Variants in ADRA1A observed in about 807,000 individuals in gnomAD.
ADRA1A encodes the protein alpha-1A adrenergic receptor.
ADRA1A carries 31 observed loss-of-function variants against 29.6 expected under a neutral mutation model. The ratio of observed to expected loss-of-function variants is 1.05; its 90% CI spans 0.79 to 1.41. The LOEUF (loss-of-function observed/expected upper bound fraction) is 1.41, where lower values mean the gene tolerates loss of function less well. Among genes scored for constraint, ADRA1A ranks in the 40% most tolerant of loss-of-function variants. The pLI, the probability that ADRA1A is intolerant of heterozygous loss-of-function variation, is 0.00. For synonymous variants in ADRA1A, 311 were observed against 254.3 expected (o/e 1.22, Z -2.12); for missense variants, 619 against 601.1 (o/e 1.03, Z -0.31).
At chr8:26,804,731 C>T (rs538678865) in intron 2 of ADRA1A, among the ~76,000 whole-genome samples, 1 of 152,222 alleles carries the variant, frequency 6.6e-6, no homozygotes, top group Non-Finnish European at 1.5e-5. Flanking sequence ...CAGAATAACA[C>T]CAGTAACCTC....
intron 2 of ADRA1A, among the ~76,000 whole-genome samples, chr8:26,858,715 GTC>G (rs1813218040): frequency 6.6e-6 from 1 of 152,208 alleles, no homozygotes; most frequent in Admixed American, 6.5e-5. Flanking sequence ...CACCGTCATA[GTC>G]TCTCTACTCA....
chr8:26,785,467 C>T (rs1382206476), intron 2 of ADRA1A, among the ~76,000 whole-genome samples: 2 of 152,150 alleles, frequency 1.3e-5, no homozygotes, highest in African/African-American at 4.8e-5. Flanking sequence ...GGTTACACAG[C>T]CAGTGAGCAA....
At chr8:26,808,070 C>T (rs7816340) in intron 2 of ADRA1A, among the ~76,000 whole-genome samples, 141,040 of 152,308 alleles carry the variant, frequency 0.93, 65,400 homozygotes, top group East Asian at 1. Flanking sequence ...CAAATTATAC[C>T]CTAAGGTGTT....
chr8:26,842,866 T>TAC (rs57750998), intron 2 of ADRA1A, among the ~76,000 whole-genome samples: 17,522 of 142,432 alleles, frequency 0.12, 1,045 homozygotes, highest in Admixed American at 0.14. Context: ...TCTCTCTTTC[T>TAC]ACACACACAC....
rs1810970994 is a variant in ADRA1A, at chr8:26,831,484, C to A, written c.883+32603G>T. ...GGATTGCCCAGTACCAACCCCCTGC[C>A]CACACCCCACCACTGATCATGGCCA... is the stretch of plus-strand genomic sequence containing the variant. On this transcript the variant is annotated intron_variant, in intron 2 of 2. Coordinates refer to ENST00000380573, the MANE Select transcript of ADRA1A (RefSeq NM_000680.4). The surrounding 1 kb of genome is among the most constrained non-coding windows in gnomAD (Gnocchi z 5.2). 6.6e-6 allele frequency among the ~76,000 whole-genome samples: 1 copy of A among 152,108 alleles called. No homozygotes were observed. Among genetic ancestry groups the A allele is most frequent in the South Asian group, 2.1e-4 (1 of 4,820 alleles).
In ADRA1A at chr8:26,775,304, C is replaced by T. The variant is rs1806466352; in HGVS notation, c.884-4638G>A. On this transcript the variant is annotated intron_variant, in intron 2 of 2. Transcript: ENST00000380573. The surrounding 1 kb of genome is among the most constrained non-coding windows in gnomAD (Gnocchi z 4.1). ...CTTTTCTGCGTGATGGCTGTAGCCTCATATTATCTCCCAACCCTGACTTCT... is the reference window on the plus strand; with the variant it reads ...CTTTTCTGCGTGATGGCTGTAGCCTTATATTATCTCCCAACCCTGACTTCT... Among the ~76,000 whole-genome samples, 1 of 152,188 alleles carries T rather than the reference C, an allele frequency of 6.6e-6. No individual in the cohort carries two copies.
chr8:26,789,938 A>G (rs563657977), intron 2 of ADRA1A, among the ~76,000 whole-genome samples: 22 of 152,326 alleles, frequency 1.4e-4, no homozygotes, highest in African/African-American at 5.1e-4. Flanking sequence ...GTCTTCATCA[A>G]AAAGAAAAAA....
At chr8:26,782,220 C>T (rs987174332) in intron 2 of ADRA1A, among the ~76,000 whole-genome samples, 1 of 152,224 alleles carries the variant, frequency 6.6e-6, no homozygotes, top group Non-Finnish European at 1.5e-5. Context: ...TCCCCAGCCA[C>T]TTGGGTAAAC....
At chr8:26,749,532 T>C (rs1251508923) in intron 2 of ADRA1A, among the ~76,000 whole-genome samples, 1 of 152,208 alleles carries the variant, frequency 6.6e-6, no homozygotes, top group East Asian at 1.9e-4. Context: ...ATTGAATGAG[T>C]AAACTCACAA....
chr8:26,860,407 C>T lies in ADRA1A; in HGVS notation c.883+3680G>A. ...CACTCTCTGGGACTCACAGTAGGTCCTCAGCATTGCCTCCTGTATCCCTCA... is the reference window on the plus strand; with the variant it reads ...CACTCTCTGGGACTCACAGTAGGTCTTCAGCATTGCCTCCTGTATCCCTCA... On this transcript the variant is annotated intron_variant, in intron 2 of 2. Transcript: ENST00000380573. This position sits in a 1 kb window ranked among gnomAD's most constrained non-coding sequence, Gnocchi z 4.7. Among the ~76,000 whole-genome samples, 1 of 152,166 alleles carries T rather than the reference C, an allele frequency of 6.6e-6. No individual in the cohort carries two copies. Among genetic ancestry groups the T allele is most frequent in the East Asian group, 1.9e-4 (1 of 5,188 alleles).
chr8:26,849,888 C>T (rs1812485071), intron 2 of ADRA1A, among the ~76,000 whole-genome samples: 1 of 151,494 alleles, frequency 6.6e-6, no homozygotes, highest in Admixed American at 6.6e-5. Flanking sequence ...AGTGTGCCCA[C>T]CATATGGAGT....
rs72609960 is a variant in ADRA1A at position 26,805,824 on chromosome 8, T to C, written c.884-35158A>G. 0.026 allele frequency among the ~76,000 whole-genome samples: 3,939 copies of C among 152,040 alleles called. 77 individuals are homozygous for C. The highest frequency in any genetic ancestry group is 0.062 in the Middle Eastern group (18 of 292). Reference sequence around the variant, plus strand: ...TGAACACATTTATTTTTAACCATTTTCCCCCCCACATAGATTTGGCATTAT... The same window carrying C: ...TGAACACATTTATTTTTAACCATTTCCCCCCCCACATAGATTTGGCATTAT... On this transcript the variant is annotated intron_variant, in intron 2 of 2. Coordinates refer to ENST00000380573, the MANE Select transcript of ADRA1A (RefSeq NM_000680.4). The surrounding 1 kb of genome is among the most constrained non-coding windows in gnomAD (Gnocchi z 4.8).
chr8:26,764,585 G>C (rs1194496500), downstream of ADRA1A, among the ~76,000 whole-genome samples: 1 of 152,214 alleles, frequency 6.6e-6, no homozygotes, highest in Non-Finnish European at 1.5e-5. Flanking sequence ...TCGGAGGCTG[G>C]ATTTGGGGAT....
chr8:26,748,463 G>A (rs1042999893), exon 3 of ADRA1A: 8 of 187,982 alleles, frequency 4.3e-5, no homozygotes, highest in African/African-American at 1.2e-4. Context: ...TAGTTGGGCC[G>A]GGCACGGTGG....
At chr8:26,786,551 C>T (rs1006336912) in intron 2 of ADRA1A, among the ~76,000 whole-genome samples, 2 of 152,010 alleles carry the variant, frequency 1.3e-5, no homozygotes, top group Non-Finnish European at 2.9e-5. Context: ...GATTACACAA[C>T]CTGATCTCTT....
intron 2 of ADRA1A, among the ~76,000 whole-genome samples, chr8:26,816,528 G>GGTGTGTGTGTGT (rs1357840136): frequency 8.3e-6 from 1 of 120,602 alleles, no homozygotes; most frequent in African/African-American, 3.1e-5. Context: ...AGGTGCTCAT[G>GGTGTGTGTGTGT]GTGTATGTGT....
chr8:26,822,866 A>T (rs1810275651), intron 2 of ADRA1A, among the ~76,000 whole-genome samples: 1 of 152,172 alleles, frequency 6.6e-6, no homozygotes, highest in South Asian at 2.1e-4. Context: ...AGAAGCAAGA[A>T]AGTGGTGGGA....
intron 2 of ADRA1A, among the ~76,000 whole-genome samples, chr8:26,857,698 C>G (rs1281972950): frequency 1.3e-5 from 2 of 152,088 alleles, no homozygotes; most frequent in Admixed American, 6.6e-5. Context: ...CCTAATGGCA[C>G]TAGTTTTTCT....
intron 2 of ADRA1A, among the ~76,000 whole-genome samples, chr8:26,852,117 AAAC>A (rs923170843): frequency 8.5e-5 from 13 of 152,216 alleles, no homozygotes; most frequent in South Asian, 2.1e-4. Flanking sequence ...TCAAATGAAC[AAAC>A]AACAACAACA....
Sources: allele counts gnomAD v4.1 joint callset (sites outside exome capture counted in the v4.1 genomes callset), GRCh38; gene constraint gnomAD v4.1.1; non-coding constraint Gnocchi (gnomAD v3.1); transcripts MANE v1.5; gene names NCBI Gene and HGNC (gene_info 2026-07-23, HGNC 2026-07-21).